Variants in PEDS1 observed in about 807,000 individuals in gnomAD.
PEDS1 encodes the protein plasmanylethanolamine desaturase 1, also known as CarF homolog.
PEDS1 carries 14 observed loss-of-function variants against 35.2 expected under a neutral mutation model. The ratio of observed to expected loss-of-function variants is 0.40; its 90% CI spans 0.26 to 0.62. The LOEUF is 0.62. Among genes scored for constraint, PEDS1 ranks in the 20% least tolerant of loss-of-function variants. The pLI is 0.44. For synonymous variants in PEDS1, 152 were observed against 152.0 expected (o/e 1.00, Z 0.00); for missense variants, 260 against 367.8 (o/e 0.71, Z 2.40).
rs2081082758 is a variant in PEDS1 at position 50,124,874 on chromosome 20, A to G, written c.*184T>C. The G allele has an allele frequency of 2.5e-6, 2 of 792,248 alleles. No individual in the cohort carries two copies. Among genetic ancestry groups the G allele is most frequent in the Non-Finnish European group, 3.9e-6 (2 of 518,200 alleles). The allele number at this position is 792,248 out of a possible 1,614,324, so 49.1% of individuals were successfully genotyped here. Reference sequence around the variant, plus strand: ...AGGAGGGGCCGAGGAAAAAAAAAAAAAAGAAATGAAAAATCAGTGGCTCAA... The same window carrying G: ...AGGAGGGGCCGAGGAAAAAAAAAAAGAAGAAATGAAAAATCAGTGGCTCAA... On this transcript the variant is annotated 3_prime_UTR_variant, in exon 6 of 6. Transcript: ENST00000371652.
Position 50,129,520 on chromosome 20 carries a change from A to G in PEDS1, c.478+26T>C, listed in dbSNP as rs755778923. 2 of 1,613,638 alleles carry G rather than the reference A, an allele frequency of 1.2e-6. No homozygotes were observed. The highest frequency in any genetic ancestry group is 1.7e-6 in the Non-Finnish European group (2 of 1,179,692). On this transcript the variant is annotated intron_variant, in intron 4 of 5. Coordinates refer to ENST00000371652, the MANE Select transcript of PEDS1 (RefSeq NM_199129.4). The surrounding 1 kb of genome is among the most constrained non-coding windows in gnomAD (Gnocchi z 4.2). ...GCCTCTGCCCCCAAGGCCCCCTCCCAGCCCACCACTAGCTGGGTGTCTCAC... is the reference window on the plus strand; with the variant it reads ...GCCTCTGCCCCCAAGGCCCCCTCCCGGCCCACCACTAGCTGGGTGTCTCAC...
At chr20:50,138,652 G>A (rs993546366) in intron 2 of PEDS1, among the ~76,000 whole-genome samples, 4 of 152,204 alleles carry the variant, frequency 2.6e-5, no homozygotes, top group South Asian at 2.1e-4. Flanking sequence ...CCCTGGCTCC[G>A]TGATCTTGCG....
At chr20:50,131,224 A>G (rs1175885919) in intron 2 of PEDS1, 1 of 690,468 alleles carries the variant, frequency 1.4e-6, no homozygotes, top group Non-Finnish European at 2.5e-6. Flanking sequence ...TTTCCCTATT[A>G]GGAGCAGGCT....
chr20:50,136,693 A>C (rs969855842), intron 2 of PEDS1, among the ~76,000 whole-genome samples: 1 of 130,368 alleles, frequency 7.7e-6, no homozygotes, highest in African/African-American at 3.0e-5. Flanking sequence ...ACTACACTCC[A>C]GCCTGGGTGA....
chr20:50,125,716 C>T (rs1322525857), intron 5 of PEDS1, among the ~76,000 whole-genome samples: 1 of 152,124 alleles, frequency 6.6e-6, no homozygotes, highest in Non-Finnish European at 1.5e-5. Context: ...GCCTCAGCCT[C>T]CGAGTAGCTG....
At chr20:50,137,187 C>T (rs1331982646) in intron 2 of PEDS1, among the ~76,000 whole-genome samples, 2 of 152,028 alleles carry the variant, frequency 1.3e-5, no homozygotes, top group Non-Finnish European at 2.9e-5. Context: ...CCACCTCAGA[C>T]TCGTGAGGAG....
chr20:50,149,148 G>C (rs1376448013), intron 1 of PEDS1, among the ~76,000 whole-genome samples: 1 of 152,034 alleles, frequency 6.6e-6, no homozygotes, highest in Non-Finnish European at 1.5e-5. Context: ...AAGAAACAAA[G>C]ATGAGAAACA....
chr20:50,134,429 C>T (rs1294750597), intron 2 of PEDS1, among the ~76,000 whole-genome samples: 3 of 152,206 alleles, frequency 2.0e-5, no homozygotes, highest in African/African-American at 4.8e-5. Context: ...CACCTGTAAT[C>T]CCAGCTACTC....
At position 50,153,561 on chromosome 20, in the gene PEDS1, G is replaced by T; in HGVS notation, c.77C>A (p.Ala26Glu). Residue 26 changes from alanine to glutamate, a missense_variant, in exon 1 of 6, where the codon GCG becomes GAG. By Grantham distance (107) the Ala-to-Glu change is moderately radical. Transcript: ENST00000371652. Reference protein sequence around the residue: ...EDEASCCRWGAQHAGARELAA... With the variant: ...EDEASCCRWGEQHAGARELAA... ...CAGCTCGCGGGCCCCGGCGTGCTGCGCGCCCCAGCGGCAACAAGACGCCTC... is the reference window on the plus strand; with the variant it reads ...CAGCTCGCGGGCCCCGGCGTGCTGCTCGCCCCAGCGGCAACAAGACGCCTC... 2 of 1,434,608 alleles carry T rather than the reference G, an allele frequency of 1.4e-6. No homozygotes were observed. The highest frequency in any genetic ancestry group is 1.8e-6 in the Non-Finnish European group (2 of 1,087,734). The allele number at this position is 1,434,608 out of a possible 1,614,324, so 88.9% of individuals were successfully genotyped here.
intron 2 of PEDS1, among the ~76,000 whole-genome samples, chr20:50,139,319 C>A (rs2081268552): frequency 6.6e-6 from 1 of 152,186 alleles, no homozygotes; most frequent in Non-Finnish European, 1.5e-5. Flanking sequence ...ACGGCCTTCA[C>A]TTGTTCACCC....
At chr20:50,136,199 C>T (rs1172023737) in intron 2 of PEDS1, among the ~76,000 whole-genome samples, 1 of 152,196 alleles carries the variant, frequency 6.6e-6, no homozygotes, top group Non-Finnish European at 1.5e-5. Flanking sequence ...GGCATCAAGG[C>T]CTCGCTTAGG....
At chr20:50,151,259 C>A (rs959374032) in intron 1 of PEDS1, 16 of 1,304,176 alleles carry the variant, frequency 1.2e-5, no homozygotes, top group African/African-American at 4.6e-5. Context: ...ATTTGGGGCA[C>A]CAGGCTGTCT....
In PEDS1 at chr20:50,124,968, A is replaced by G; in HGVS notation, c.*90T>C. On this transcript the variant is annotated 3_prime_UTR_variant, in exon 6 of 6. Transcript: ENST00000371652. Reference sequence around the variant, plus strand: ...CCCAGGAGATGTCCTCTCCATCTGGAGGGGCCAGCTCAAAGAGGCTGGAAT... The same window carrying G: ...CCCAGGAGATGTCCTCTCCATCTGGGGGGGCCAGCTCAAAGAGGCTGGAAT... 1 of 1,559,866 alleles carries G rather than the reference A, an allele frequency of 6.4e-7. No homozygotes were observed.
rs370697841 is a variant in PEDS1, at chr20:50,123,839, T to C, written c.*1219A>G. On this transcript the variant is annotated 3_prime_UTR_variant, in exon 6 of 6. Coordinates refer to ENST00000371652, the MANE Select transcript of PEDS1 (RefSeq NM_199129.4). Reference sequence around the variant, plus strand: ...TCAGCTCCACCAGGATAGGTCTTTGTTGGTTCTTTCACCGCTGTACCTGTG... The same window carrying C: ...TCAGCTCCACCAGGATAGGTCTTTGCTGGTTCTTTCACCGCTGTACCTGTG... 6.6e-6 allele frequency: 1 copy of C among 152,256 alleles called. No homozygotes were observed. The highest frequency in any genetic ancestry group is 1.9e-4 in the East Asian group (1 of 5,202). 9.4% of individuals were successfully genotyped at this position (152,256 alleles called of 1,614,324 possible).
intron 1 of PEDS1, among the ~76,000 whole-genome samples, chr20:50,147,889 T>TCC: frequency 1.1e-5 from 1 of 92,466 alleles, no homozygotes; most frequent in Non-Finnish European, 2.0e-5. Context: ...TGAAACCCCG[T>TCC]CTCTAAGAAT....
At chr20:50,131,093 A>G in intron 2 of PEDS1, 146 bp from the exon 3 acceptor site, 1 of 1,546,182 alleles carries the variant, frequency 6.5e-7, no homozygotes, top group Non-Finnish European at 8.8e-7. Flanking sequence ...TTCCCTGAAG[A>G]TGGAGCCTCA....
In PEDS1 at chr20:50,153,689, G is replaced by A. The variant is rs2147316434; in HGVS notation, c.-52C>T. On this transcript the variant is annotated 5_prime_UTR_variant, in exon 1 of 6. Transcript: ENST00000371652. ...GCTCTGCTGGCGGCGGCGGCGGCAG[G>A]GCCGCGGAACCGCGGCGAGATCACG... is the stretch of plus-strand genomic sequence containing the variant. 4 of 1,196,094 alleles carry A rather than the reference G, an allele frequency of 3.3e-6. No individual in the cohort carries two copies. In the East Asian group the frequency reaches 1.0e-4, roughly 31 times the overall value. 74.1% of individuals were successfully genotyped at this position (1,196,094 alleles called of 1,614,324 possible).
chr20:50,126,610 T>G (rs551893488), intron 5 of PEDS1, among the ~76,000 whole-genome samples: 107 of 152,296 alleles, frequency 7.0e-4, no homozygotes, highest in Non-Finnish European at 1.6e-4. Context: ...CAGCCCTATT[T>G]TGTAAGGAGA....
intron 1 of PEDS1, among the ~76,000 whole-genome samples, chr20:50,146,645 C>G (rs1209821793): frequency 1.3e-5 from 2 of 152,174 alleles, no homozygotes; most frequent in Non-Finnish European, 2.9e-5. Flanking sequence ...AGAACCAGGA[C>G]AGCTGCCCTC....
Sources: gnomAD v4.1 joint callset for allele counts (sites outside exome capture counted in the v4.1 genomes callset) on GRCh38, gnomAD v4.1.1 for gene constraint, Gnocchi (gnomAD v3.1) non-coding constraint, MANE v1.5 for transcripts, NCBI Gene and HGNC (gene_info 2026-07-23, HGNC 2026-07-21) for gene names.